PCDH9: variants seen among roughly 807,000 people sequenced by gnomAD.
PCDH9 encodes the protein protocadherin 9.
Under a neutral mutation model 70.6 loss-of-function variants are expected in PCDH9, and 24 were observed. The observed-to-expected ratio is 0.34, with a 90% confidence interval of 0.25 to 0.48. The LOEUF is 0.48. PCDH9 is among the 20% of genes least tolerant of loss of function. The probability of loss-of-function intolerance (pLI) is 0.99; values close to 1 mark genes in which losing one functional copy is unlikely to be tolerated. For missense variants in PCDH9, 1,281 were observed against 1,503.6 expected (o/e 0.85, Z 2.45); for synonymous variants, 562 against 558.5 (o/e 1.01, Z -0.09).
At chr13:66,549,538 T>TA (rs904973337) in intron 4 of PCDH9, among the ~76,000 whole-genome samples, 1 of 151,798 alleles carries the variant, frequency 6.6e-6, no homozygotes, top group Non-Finnish European at 1.5e-5. Context: ...TATTTTTTTT[T>TA]AAAAAAAGGT....
intron 4 of PCDH9, among the ~76,000 whole-genome samples, chr13:66,509,423 G>A (rs1468012727): frequency 6.6e-6 from 1 of 152,100 alleles, no homozygotes; most frequent in Non-Finnish European, 1.5e-5. Context: ...AGATGGCCTA[G>A]TCAAAGAGTA....
At chr13:66,646,456 T>C (rs990347936) in intron 3 of PCDH9, among the ~76,000 whole-genome samples, 1 of 152,186 alleles carries the variant, frequency 6.6e-6, no homozygotes, top group Non-Finnish European at 1.5e-5. Context: ...ATCTAGCACT[T>C]CACATCATGC....
intron 4 of PCDH9, among the ~76,000 whole-genome samples, chr13:66,564,193 G>A (rs944368989): frequency 3.3e-5 from 5 of 151,978 alleles, no homozygotes; most frequent in African/African-American, 1.2e-4. Flanking sequence ...AAGACAATGT[G>A]TTGCTTTTTC....
intron 4 of PCDH9, among the ~76,000 whole-genome samples, chr13:66,433,682 C>T (rs7999527): frequency 0.39 from 59,670 of 151,224 alleles, 12,441 homozygotes; most frequent in South Asian, 0.53. Context: ...AGTATCCCAC[C>T]CAATGCATTG....
intron 4 of PCDH9, among the ~76,000 whole-genome samples, chr13:66,422,833 C>G (rs267320): frequency 0.029 from 4,418 of 151,810 alleles, 106 homozygotes; most frequent in East Asian, 0.071. Flanking sequence ...AACAGAGACA[C>G]GAAAAACCCT....
At chr13:66,960,445 T>A (rs1257101492) in intron 2 of PCDH9, among the ~76,000 whole-genome samples, 5 of 152,104 alleles carry the variant, frequency 3.3e-5, no homozygotes, top group Non-Finnish European at 4.4e-5. Context: ...TATAAAAAAT[T>A]CATGATGGAA....
At chr13:66,555,283 C>T (rs1382944098) in intron 4 of PCDH9, among the ~76,000 whole-genome samples, 2 of 151,940 alleles carry the variant, frequency 1.3e-5, no homozygotes, top group South Asian at 2.1e-4. Context: ...TACTTTCTTT[C>T]AAGTGTTTTT....
At chr13:66,939,445 TGTGTGTGTG>T in intron 2 of PCDH9, among the ~76,000 whole-genome samples, 1 of 151,798 alleles carries the variant, frequency 6.6e-6, no homozygotes, top group Non-Finnish European at 1.5e-5. Flanking sequence ...TGTGTGTGTG[TGTGTGTGTG>T]TGTGACGGAG....
intron 4 of PCDH9, among the ~76,000 whole-genome samples, chr13:66,386,617 G>A (rs2138256772): frequency 6.6e-6 from 1 of 152,046 alleles, no homozygotes; most frequent in East Asian, 1.9e-4. Flanking sequence ...TTATACTATA[G>A]TCTCTACTTT....
rs1008092501 is a variant in PCDH9, at chr13:66,698,245, A to G, written c.3139-66834T>C. On this transcript the variant is annotated intron_variant, in intron 3 of 4. Transcript: ENST00000377865. ...ATGTGAATCTACTTAATGCCACCAA[A>G]CTGTATTGAAAATGGCTAAAATAGT... Among the ~76,000 whole-genome samples the G allele has an allele frequency of 6.6e-5, 10 of 152,240 alleles. No homozygotes were observed. In the East Asian group the frequency reaches 1.9e-3, roughly 29 times the overall value.
intron 3 of PCDH9, among the ~76,000 whole-genome samples, chr13:66,801,714 G>A (rs939112684): frequency 1.3e-4 from 20 of 151,880 alleles, no homozygotes; most frequent in Non-Finnish European, 2.7e-4. Context: ...TCAGTTTTTG[G>A]TTATTTAAAA....
chr13:66,453,575 A>G (rs1958258298), intron 4 of PCDH9, among the ~76,000 whole-genome samples: 1 of 151,946 alleles, frequency 6.6e-6, no homozygotes, highest in African/African-American at 2.4e-5. Context: ...TAGCATAAAC[A>G]CTCTTGAAGT....
intron 3 of PCDH9, among the ~76,000 whole-genome samples, chr13:66,637,217 A>C (rs2077650004): frequency 6.6e-6 from 1 of 152,172 alleles, no homozygotes; most frequent in Non-Finnish European, 1.5e-5. Context: ...AATGGGACCC[A>C]AAAAGCAATC....
intron 4 of PCDH9, among the ~76,000 whole-genome samples, chr13:66,376,382 A>C (rs1352270845): frequency 6.6e-6 from 1 of 152,110 alleles, no homozygotes; most frequent in Non-Finnish European, 1.5e-5. Context: ...TTGTTCTCGA[A>C]ATTGATCTTA....
At chr13:66,780,285 G>C (rs774262587) in intron 3 of PCDH9, among the ~76,000 whole-genome samples, 6 of 151,932 alleles carry the variant, frequency 3.9e-5, no homozygotes, top group Non-Finnish European at 8.8e-5. Context: ...TCTATTTTTT[G>C]CCTAATTTTA....
intron 4 of PCDH9, among the ~76,000 whole-genome samples, chr13:66,509,292 C>A (rs1566379078): frequency 6.6e-6 from 1 of 152,072 alleles, no homozygotes; most frequent in Non-Finnish European, 1.5e-5. Flanking sequence ...TTTCACAACC[C>A]AGACAATGTC....
In PCDH9 at chr13:66,631,394, C is replaced by G. The variant is rs755993231; in HGVS notation, c.3156G>C (p.Thr1052=). ...CCTGGGAGCCATCAGGGAGATGAAA[C>G]GTAACACGGCGCTGCGACTACAAAG... ...ESHYESQRRV[T]FHLPDGSQES... The change falls in exon 4 of 5, where the codon ACG becomes ACC. Residue 1052 remains threonine (T), a synonymous_variant. Coordinates refer to ENST00000377865, the MANE Select transcript of PCDH9 (RefSeq NM_203487.3). 6 of 1,607,770 alleles carry G rather than the reference C, an allele frequency of 3.7e-6. No homozygotes were observed. Among genetic ancestry groups the G allele is most frequent in the Non-Finnish European group, 5.1e-6 (6 of 1,174,476 alleles).
At chr13:67,048,643 G>C (rs1020067992) in intron 2 of PCDH9, among the ~76,000 whole-genome samples, 13 of 152,194 alleles carry the variant, frequency 8.5e-5, no homozygotes, top group Non-Finnish European at 1.8e-4. Context: ...ACAAATGTGA[G>C]CTGAATGGAG....
rs1310755075 is a variant in PCDH9 at position 67,217,913 on chromosome 13, C to A, written c.3036+7492G>T. ...TTGAATAATTAGAATCATCCAACAGCAAATCAGTCCATTGTAAGGCATGTA... is the reference window on the plus strand; with the variant it reads ...TTGAATAATTAGAATCATCCAACAGAAAATCAGTCCATTGTAAGGCATGTA... On this transcript the variant is annotated intron_variant, in intron 2 of 4. Coordinates refer to ENST00000377865, the MANE Select transcript of PCDH9 (RefSeq NM_203487.3). 3 of 152,054 alleles carry A rather than the reference C, an allele frequency of 2.0e-5. No homozygotes were observed. In the East Asian group the frequency reaches 5.8e-4, roughly 29 times the overall value. The allele number at this position is 152,054 out of a possible 1,614,324, so 9.4% of individuals were successfully genotyped here. A position where few individuals can be genotyped will look rare whatever the true frequency, so the allele number is the denominator to read the frequency against.
Sources: allele counts gnomAD v4.1 joint callset (sites outside exome capture counted in the v4.1 genomes callset), GRCh38; gene constraint gnomAD v4.1.1; transcripts MANE v1.5; gene names NCBI Gene and HGNC (gene_info 2026-07-23, HGNC 2026-07-21).